Variants in PSD3 observed in about 807,000 individuals in gnomAD.
PSD3 encodes pleckstrin and Sec7 domain containing 3, also known as PH and SEC7 domain-containing protein 3.
In PSD3, 49 loss-of-function variants were observed where a neutral mutation model predicts 105.5. The observed-to-expected ratio is 0.46, with a 90% CI of 0.37 to 0.59. PSD3 has a LOEUF of 0.59. Among genes scored for constraint, PSD3 ranks in the 20% least tolerant of loss-of-function variants. The probability of loss-of-function intolerance (pLI) is 0.00; values close to 1 mark genes in which losing one functional copy is unlikely to be tolerated. For synonymous variants in PSD3, 557 were observed against 457.8 expected (o/e 1.22, Z -2.77); for missense variants, 1,561 against 1,263.8 (o/e 1.24, Z -3.57).
Position 18,745,230 on chromosome 8 carries a change from C to T in PSD3, c.2172+20219G>A, listed in dbSNP as rs577310291. 3.3e-5 allele frequency among the ~76,000 whole-genome samples: 5 copies of T among 152,300 alleles called. 1 individual carries two copies. The highest frequency in any genetic ancestry group is 1.2e-4 in the African/African-American group (5 of 41,562). The stretch of plus-strand genomic sequence containing the variant: ...CACAAATATCCTGTTTCTTCCCTAA[C>T]TTTCATCTACTAAATTTAGTATCCT... On this transcript the variant is annotated intron_variant, in intron 9 of 15. Coordinates refer to ENST00000327040, the MANE Select transcript of PSD3 (RefSeq NM_015310.4).
At chr8:18,645,013 A>G (rs989388496) in intron 10 of PSD3, among the ~76,000 whole-genome samples, 2 of 152,204 alleles carry the variant, frequency 1.3e-5, no homozygotes, top group African/African-American at 4.8e-5. Flanking sequence ...GAAGGTCAAG[A>G]AAGCGCAAGA....
At chr8:18,563,137 T>G (rs537549800) in intron 14 of PSD3, among the ~76,000 whole-genome samples, 1 of 152,198 alleles carries the variant, frequency 6.6e-6, no homozygotes, top group Admixed American at 6.5e-5. Context: ...CCTTAAATCC[T>G]CCAGTATCCA....
At position 18,540,856 on chromosome 8, in the gene PSD3, G is replaced by A. The variant is rs191559614; in HGVS notation, c.2929-4898C>T. Among the ~76,000 whole-genome samples the A allele has an allele frequency of 8.0e-4, 121 of 152,154 alleles. 1 individual carries two copies. Among genetic ancestry groups the A allele is most frequent in the African/African-American group, 2.8e-3 (115 of 41,488 alleles). On this transcript the variant is annotated intron_variant, in intron 15 of 15. Coordinates refer to ENST00000327040, the MANE Select transcript of PSD3 (RefSeq NM_015310.4). Reference sequence around the variant, plus strand: ...TTAAAATGCCCTAGAAAACCCATGGGCCACCCCTTTCCCGTGGCCCAGTCT... The same window carrying A: ...TTAAAATGCCCTAGAAAACCCATGGACCACCCCTTTCCCGTGGCCCAGTCT...
chr8:18,832,838 T>C (rs947886099), intron 4 of PSD3, among the ~76,000 whole-genome samples: 1 of 152,236 alleles, frequency 6.6e-6, no homozygotes, highest in Admixed American at 6.5e-5. Flanking sequence ...TGAGACCTAT[T>C]CATTATCACT....
intron 9 of PSD3, among the ~76,000 whole-genome samples, chr8:18,708,756 G>C (rs1399760775): frequency 6.6e-6 from 1 of 152,138 alleles, no homozygotes; most frequent in African/African-American, 2.4e-5. Flanking sequence ...AACAGTGAGT[G>C]AATCCTGCAC....
At chr8:18,650,625 G>T (rs950734432) in intron 10 of PSD3, among the ~76,000 whole-genome samples, 8 of 152,120 alleles carry the variant, frequency 5.3e-5, no homozygotes, top group African/African-American at 1.9e-4. Context: ...ATTAGGCAAG[G>T]ATCTGTGTCT....
chr8:18,905,940 A>G (rs1390944316), intron 2 of PSD3, among the ~76,000 whole-genome samples: 2 of 152,194 alleles, frequency 1.3e-5, no homozygotes, highest in Non-Finnish European at 2.9e-5. Flanking sequence ...TGGTTCTTTG[A>G]TCTTTCTAGA....
intron 9 of PSD3, among the ~76,000 whole-genome samples, chr8:18,703,301 C>T (rs1801697827): frequency 6.6e-6 from 1 of 152,154 alleles, no homozygotes; most frequent in African/African-American, 2.4e-5. Context: ...GCAAATGAGC[C>T]TGCCACTGAT....
intron 8 of PSD3, among the ~76,000 whole-genome samples, chr8:18,776,861 T>G (rs1396920796): frequency 6.6e-6 from 1 of 152,198 alleles, no homozygotes; most frequent in East Asian, 1.9e-4. Context: ...GTAGTTTGTA[T>G]GTTTCTAAAA....
At chr8:18,828,047 G>GTA (rs368464281) in intron 4 of PSD3, among the ~76,000 whole-genome samples, 1,779 of 126,336 alleles carry the variant, frequency 0.014, 22 homozygotes, top group Non-Finnish European at 0.018. Flanking sequence ...ATATATATAT[G>GTA]TATATATATA....
chr8:18,990,910 G>C (rs980983467), intron 1 of PSD3, among the ~76,000 whole-genome samples: 2 of 152,066 alleles, frequency 1.3e-5, no homozygotes, highest in Non-Finnish European at 2.9e-5. Flanking sequence ...CTGAGGAGTG[G>C]GGGAAGCAAA....
chr8:19,018,231 GATA>G (rs1422074346), upstream of PSD3, among the ~76,000 whole-genome samples: 10 of 152,060 alleles, frequency 6.6e-5, no homozygotes, highest in Admixed American at 6.6e-4. Flanking sequence ...ATTTATTACT[GATA>G]ATAACATTTA....
chr8:18,837,866 A>C (rs1814248072), intron 4 of PSD3, among the ~76,000 whole-genome samples: 1 of 152,220 alleles, frequency 6.6e-6, no homozygotes, highest in Non-Finnish European at 1.5e-5. Context: ...AATTAAGAAC[A>C]AGGATGGCTG....
In PSD3 at chr8:18,585,075, G is replaced by C. The variant is rs1803079360; in HGVS notation, c.2482-9790C>G. Among the ~76,000 whole-genome samples, 3 of 152,276 alleles carry C rather than the reference G, an allele frequency of 2.0e-5. No homozygotes were observed. The South Asian group carries it at 6.2e-4, about 32-fold the overall frequency. The stretch of plus-strand genomic sequence containing the variant: ...TGTTTATGCCACATCGCTAGCTCCA[G>C]AACACGAAGCCCTCTGCCTTGCCTG... On this transcript the variant is annotated intron_variant, in intron 12 of 15. Transcript: ENST00000327040.
chr8:18,940,864 T>TC (rs991261991), intron 1 of PSD3, among the ~76,000 whole-genome samples: 73 of 152,226 alleles, frequency 4.8e-4, no homozygotes, highest in African/African-American at 1.6e-3. Flanking sequence ...GTCTGTCAGT[T>TC]CCCCAATAAA....
In PSD3 at chr8:18,529,807, A is replaced by G. The variant is rs372988664; in HGVS notation, c.*5936T>C. 6.6e-6 allele frequency: 1 copy of G among 152,630 alleles called. No individual in the cohort carries two copies. The highest frequency in any genetic ancestry group is 1.5e-5 in the Non-Finnish European group (1 of 68,040). The allele number at this position is 152,630 out of a possible 1,614,324, so 9.5% of individuals were successfully genotyped here. Reference sequence around the variant, plus strand: ...TTTGCTTCTCCTACTCCTTTTCTACATGATTTTTGAATCAAATGGCTGTTT... The same window carrying G: ...TTTGCTTCTCCTACTCCTTTTCTACGTGATTTTTGAATCAAATGGCTGTTT... On this transcript the variant is annotated 3_prime_UTR_variant, in exon 16 of 16. Coordinates refer to ENST00000327040, the MANE Select transcript of PSD3 (RefSeq NM_015310.4).
At chr8:18,840,190 C>T (rs546309333) in intron 4 of PSD3, among the ~76,000 whole-genome samples, 94 of 152,164 alleles carry the variant, frequency 6.2e-4, no homozygotes, top group Non-Finnish European at 1.1e-3. Context: ...AGAACTACCA[C>T]CCACCTGCAA....
chr8:18,550,620 A>C (rs1800704591), intron 15 of PSD3, among the ~76,000 whole-genome samples: 1 of 152,182 alleles, frequency 6.6e-6, no homozygotes, highest in Admixed American at 6.5e-5. Flanking sequence ...ATATTAACTT[A>C]GGTGGGCAAA....
Position 18,795,156 on chromosome 8 carries a change from C to G in PSD3, c.2082+4139G>C, listed in dbSNP as rs987326333. ...TTTCTTCCTTGATTATATTCTTCTC[C>G]CTACCAGTAAGTTGTACTAGATATG... On this transcript the variant is annotated intron_variant, in intron 8 of 15. Transcript: ENST00000327040. Among the ~76,000 whole-genome samples the G allele has an allele frequency of 2.6e-5, 4 of 152,192 alleles. 1 individual carries two copies. The Middle Eastern group carries it at 0.014, about 518-fold the overall frequency.
Sources: allele counts gnomAD v4.1 joint callset (sites outside exome capture counted in the v4.1 genomes callset), GRCh38; gene constraint gnomAD v4.1.1; transcripts MANE v1.5; gene names NCBI Gene and HGNC (gene_info 2026-07-23, HGNC 2026-07-21).